KCNS3: variants seen among roughly 807,000 people sequenced by gnomAD.
KCNS3 encodes delayed-rectifier potassium channel regulatory subunit KCNS3.
Under a neutral mutation model 31.0 loss-of-function variants are expected in KCNS3, and 13 were observed. The observed-to-expected ratio is 0.42, with a 90% CI of 0.27 to 0.67. The LOEUF is 0.67. Ranked by LOEUF, KCNS3 falls within the 30% of genes least tolerant of loss-of-function variation. The probability of loss-of-function intolerance (pLI) is 0.25; values close to 1 mark genes in which losing one functional copy is unlikely to be tolerated. For missense variants in KCNS3, 545 were observed against 622.4 expected (o/e 0.88, Z 1.32); for synonymous variants, 238 against 241.5 (o/e 0.99, Z 0.13).
At chr2:17,902,015 G>A (rs1401897540) in intron 1 of KCNS3, among the ~76,000 whole-genome samples, 1 of 152,060 alleles carries the variant, frequency 6.6e-6, no homozygotes, top group African/African-American at 2.4e-5. Flanking sequence ...AATATTTTGT[G>A]ACCCCAGATT....
chr2:17,905,493 CTA>C (rs1207021068), intron 1 of KCNS3, among the ~76,000 whole-genome samples: 2 of 152,178 alleles, frequency 1.3e-5, no homozygotes, highest in African/African-American at 4.8e-5. Flanking sequence ...ATTTCCAACA[CTA>C]TGTTGAATAG....
At chr2:17,877,869 C>T (rs1162476479), upstream of KCNS3, 5 of 152,300 alleles carry the variant, frequency 3.3e-5, no homozygotes, top group Non-Finnish European at 7.3e-5. Context: ...CCAGCGATGC[C>T]TTCTGGACCA....
Position 17,904,286 on chromosome 2 carries a change from G to A in KCNS3, c.-251-13394G>A, listed in dbSNP as rs373069810. ...TGAGAAGTGTCTGTTCATATCCTTC[G>A]CCCACTTGTTGATGGGGTTGTTTGT... is the stretch of plus-strand genomic sequence containing the variant. On this transcript the variant is annotated intron_variant, in intron 1 of 2. Transcript: ENST00000304101. Among the ~76,000 whole-genome samples, 945 of 143,040 alleles carry A rather than the reference G, an allele frequency of 6.6e-3. 5 individuals are homozygous for A. The highest frequency in any genetic ancestry group is 0.011 in the Middle Eastern group (3 of 278). The allele number at this position is 143,040 out of a possible 152,430, so 93.8% of individuals were successfully genotyped here.
chr2:17,924,010 T>C (rs953639013), intron 2 of KCNS3, among the ~76,000 whole-genome samples: 3 of 152,034 alleles, frequency 2.0e-5, no homozygotes, highest in Non-Finnish European at 4.4e-5. Flanking sequence ...GGTGTCTTTC[T>C]ATTCATTTAT....
At chr2:17,913,283 A>G (rs1662514410) in intron 1 of KCNS3, among the ~76,000 whole-genome samples, 1 of 152,254 alleles carries the variant, frequency 6.6e-6, no homozygotes, top group Non-Finnish European at 1.5e-5. Context: ...CAAGACTACA[A>G]AACTGACATG....
chr2:17,896,059 T>A (rs113572635), intron 1 of KCNS3, among the ~76,000 whole-genome samples: 1 of 152,164 alleles, frequency 6.6e-6, no homozygotes, highest in African/African-American at 2.4e-5. Flanking sequence ...TTCTTTTTAT[T>A]TTTTAGAGAT....
At chr2:17,884,669 G>C (rs1661578724) in intron 1 of KCNS3, among the ~76,000 whole-genome samples, 1 of 152,124 alleles carries the variant, frequency 6.6e-6, no homozygotes, top group Non-Finnish European at 1.5e-5. Context: ...GCAGGTTTGT[G>C]TCTATGTGGA....
At chr2:17,881,845 A>G (rs56406041) in intron 1 of KCNS3, among the ~76,000 whole-genome samples, 17,239 of 152,240 alleles carry the variant, frequency 0.11, 1,482 homozygotes, top group East Asian at 0.38. Flanking sequence ...CAGCCTTAAA[A>G]GGAATCTCAA....
upstream of KCNS3, chr2:17,878,592 C>A (rs1228596115): frequency 1.4e-5 from 2 of 148,110 alleles, no homozygotes; most frequent in East Asian, 4.0e-4. Flanking sequence ...GCGGCGGGCC[C>A]CGCCCCGTCC....
chr2:17,925,580 C>T (rs148254764), intron 2 of KCNS3, among the ~76,000 whole-genome samples: 152 of 152,230 alleles, frequency 1.0e-3, no homozygotes, highest in Middle Eastern at 6.8e-3. Flanking sequence ...GGAAGAGGCA[C>T]GTCTTACATG....
At chr2:17,918,166 T>A (rs1662632629) in intron 2 of KCNS3, among the ~76,000 whole-genome samples, 1 of 152,208 alleles carries the variant, frequency 6.6e-6, no homozygotes, top group South Asian at 2.1e-4. Context: ...ACACTACTGT[T>A]ATTGTAACTA....
chr2:17,921,319 C>T (rs1662698219), intron 2 of KCNS3, among the ~76,000 whole-genome samples: 1 of 152,162 alleles, frequency 6.6e-6, no homozygotes, highest in African/African-American at 2.4e-5. Flanking sequence ...ATCAGAGCTC[C>T]TGCCTTTCCA....
chr2:17,926,717 C>T (rs1041190530), intron 2 of KCNS3, among the ~76,000 whole-genome samples: 1 of 152,348 alleles, frequency 6.6e-6, no homozygotes. Context: ...CACAGAGCAG[C>T]GGGGCCCTAG....
At position 17,932,116 on chromosome 2, in the gene KCNS3, A is replaced by G. The variant is rs758042404; in HGVS notation, c.1108A>G (p.Thr370Ala). 20 of 1,613,598 alleles carry G rather than the reference A, an allele frequency of 1.2e-5. No individual in the cohort carries two copies. The highest frequency in any genetic ancestry group is 2.7e-5 in the African/African-American group (2 of 74,730). ...CWWWATISMT[T>A]VGYGDTHPVT... is the part of the protein sequence containing the mutation. ...GTGGTGGGCCACCATCAGCATGACA[A>G]CTGTGGGCTATGGAGACACCCACCC... The change falls in exon 3 of 3, where the codon ACT (threonine) becomes GCT (alanine). Residue 370 changes from threonine to alanine, a missense_variant. Physicochemically the swap from Thr to Ala is moderately conservative, Grantham distance 58. Transcript: ENST00000304101.
intron 2 of KCNS3, among the ~76,000 whole-genome samples, chr2:17,927,621 G>C (rs959845655): frequency 6.6e-6 from 1 of 152,122 alleles, no homozygotes; most frequent in African/African-American, 2.4e-5. Flanking sequence ...ATGAGCAAAG[G>C]GGGAAGAGCC....
At chr2:17,920,273 C>T (rs1662680753) in intron 2 of KCNS3, among the ~76,000 whole-genome samples, 1 of 152,138 alleles carries the variant, frequency 6.6e-6, no homozygotes, top group Non-Finnish European at 1.5e-5. Flanking sequence ...TCCAGTAAGA[C>T]AAATTGGCTT....
intron 2 of KCNS3, among the ~76,000 whole-genome samples, chr2:17,928,680 T>C (rs78867282): frequency 1.4e-5 from 2 of 144,494 alleles, no homozygotes; most frequent in Admixed American, 7.0e-5. Context: ...TTTTTTTTTT[T>C]CAGAGGAGGA....
chr2:17,893,978 G>A (rs1473875080), intron 1 of KCNS3, among the ~76,000 whole-genome samples: 1 of 112,230 alleles, frequency 8.9e-6, no homozygotes, highest in Non-Finnish European at 1.7e-5. Context: ...ATATATCTAT[G>A]TATGGGGGTT....
At chr2:17,896,683 T>A (rs1662036171) in intron 1 of KCNS3, among the ~76,000 whole-genome samples, 1 of 152,102 alleles carries the variant, frequency 6.6e-6, no homozygotes, top group African/African-American at 2.4e-5. Context: ...ACTGTGAAGA[T>A]CTCCCAAGAG....
Sources: allele counts gnomAD v4.1 joint callset (sites outside exome capture counted in the v4.1 genomes callset), GRCh38; gene constraint gnomAD v4.1.1; transcripts MANE v1.5; gene names NCBI Gene and HGNC (gene_info 2026-07-23, HGNC 2026-07-21).